Variants in CDK14 observed in about 807,000 individuals in gnomAD.
CDK14 encodes the protein cyclin dependent kinase 14.
In CDK14, 34 loss-of-function variants were observed where a neutral mutation model predicts 60.7. That is an observed-to-expected ratio of 0.56 (90% CI 0.43 to 0.75). CDK14 has a LOEUF of 0.75. Ranked by LOEUF, CDK14 falls within the 30% of genes least tolerant of loss-of-function variation. CDK14 has a pLI of 0.00. For synonymous variants in CDK14, 197 were observed against 203.7 expected, an observed-to-expected ratio of 0.97 and a Z score of 0.28; for missense variants, 482 against 564.1, an observed-to-expected ratio of 0.85 and a Z score of 1.47.
chr7:90,873,043 TA>T (rs748800034), intron 6 of CDK14, among the ~76,000 whole-genome samples: 43 of 152,344 alleles, frequency 2.8e-4, no homozygotes, highest in Non-Finnish European at 5.3e-4. Context: ...TTTCTCATGT[TA>T]ATTTTTTTTA....
chr7:90,684,754 A>G (rs975315779), intron 2 of CDK14, among the ~76,000 whole-genome samples: 1 of 152,146 alleles, frequency 6.6e-6, no homozygotes, highest in African/African-American at 2.4e-5. Context: ...CACCGTGTTT[A>G]TGGTTCTTTA....
chr7:90,635,841 G>C (rs1244470909), intron 2 of CDK14, among the ~76,000 whole-genome samples: 1 of 151,590 alleles, frequency 6.6e-6, no homozygotes, highest in African/African-American at 2.4e-5. Context: ...CCTTGAAGAG[G>C]TCCTTCACGT....
chr7:90,737,377 T>C (rs750289217), intron 3 of CDK14, among the ~76,000 whole-genome samples: 3 of 152,244 alleles, frequency 2.0e-5, no homozygotes, highest in Admixed American at 6.5e-5. Flanking sequence ...CTATATCCCA[T>C]GATAGGCAGG....
At chr7:90,983,270 C>T (rs1053413055) in intron 9 of CDK14, among the ~76,000 whole-genome samples, 1 of 152,134 alleles carries the variant, frequency 6.6e-6, no homozygotes, top group Non-Finnish European at 1.5e-5. Flanking sequence ...TTCACCACAG[C>T]ACTATTCACA....
intron 14 of CDK14, among the ~76,000 whole-genome samples, chr7:91,134,067 G>C (rs1016441292): frequency 6.6e-6 from 1 of 152,116 alleles, no homozygotes; most frequent in African/African-American, 2.4e-5. Context: ...TGGGACTCCG[G>C]ATTCTCCACC....
At chr7:90,806,514 G>T (rs1177771363) in intron 5 of CDK14, among the ~76,000 whole-genome samples, 1 of 152,234 alleles carries the variant, frequency 6.6e-6, no homozygotes, top group African/African-American at 2.4e-5. Context: ...AATAGGAACA[G>T]CTCCAGTCTA....
chr7:90,926,764 G>T (rs533285132), intron 8 of CDK14, among the ~76,000 whole-genome samples: 2 of 152,206 alleles, frequency 1.3e-5, no homozygotes, highest in East Asian at 3.9e-4. Context: ...GACCCCTTAG[G>T]TTAAGGGCTT....
At chr7:90,601,948 A>G (rs181006654) in intron 1 of CDK14, among the ~76,000 whole-genome samples, 100 of 151,694 alleles carry the variant, frequency 6.6e-4, no homozygotes, top group African/African-American at 2.3e-3. Flanking sequence ...GTATGTATGT[A>G]TGTATGTATG....
At chr7:91,126,734 T>G (rs533747544) in intron 14 of CDK14, among the ~76,000 whole-genome samples, 15 of 152,190 alleles carry the variant, frequency 9.9e-5, no homozygotes, top group Non-Finnish European at 1.5e-4. Flanking sequence ...TCCCACCAGT[T>G]TTTCAGTGTT....
rs561703262 is a variant in CDK14 at position 90,858,471 on chromosome 7, A to G, written c.545-4704A>G. Among the ~76,000 whole-genome samples, 70 of 152,352 alleles carry G rather than the reference A, an allele frequency of 4.6e-4. No homozygotes were observed. In the South Asian group the frequency reaches 0.013, roughly 28 times the overall value. ...TAATACCTTTATGGAGTTGTTGCCA[A>G]TAAGGATGGATCATCTCTGAATTTG... On this transcript the variant is annotated intron_variant, in intron 5 of 14. Transcript: ENST00000380050.
chr7:90,755,963 G>A (rs1172404055), intron 4 of CDK14, among the ~76,000 whole-genome samples: 1 of 152,238 alleles, frequency 6.6e-6, no homozygotes, highest in African/African-American at 2.4e-5. Flanking sequence ...TATGAGGTGG[G>A]TCCCATTATT....
At chr7:90,923,331 G>T (rs144109528) in intron 8 of CDK14, among the ~76,000 whole-genome samples, 1 of 151,944 alleles carries the variant, frequency 6.6e-6, no homozygotes, top group Admixed American at 6.6e-5. Context: ...GAATGGTCTC[G>T]ATCTCCTGAC....
At chr7:90,852,362 T>G (rs1382487915) in intron 5 of CDK14, among the ~76,000 whole-genome samples, 3 of 152,206 alleles carry the variant, frequency 2.0e-5, no homozygotes, top group Admixed American at 2.0e-4. Flanking sequence ...TATCACAGAC[T>G]TCTAAATGCT....
chr7:90,885,460 C>T (rs2117299555), intron 6 of CDK14, among the ~76,000 whole-genome samples: 1 of 152,192 alleles, frequency 6.6e-6, no homozygotes, highest in Middle Eastern at 3.4e-3. Flanking sequence ...AATAGGAATG[C>T]TTTTACTTGT....
chr7:90,891,600 C>T (rs1436485159), intron 6 of CDK14, among the ~76,000 whole-genome samples: 2 of 152,126 alleles, frequency 1.3e-5, no homozygotes. Context: ...TTAAATGAAA[C>T]AGAAGTTAAG....
intron 4 of CDK14, among the ~76,000 whole-genome samples, chr7:90,765,641 A>C (rs1488616790): frequency 1.4e-5 from 2 of 147,938 alleles, no homozygotes; most frequent in East Asian, 4.0e-4. Flanking sequence ...ACTGGTGGGG[A>C]TGGATACTAA....
intron 2 of CDK14, among the ~76,000 whole-genome samples, chr7:90,629,406 T>A (rs986559916): frequency 3.3e-5 from 5 of 152,236 alleles, no homozygotes; most frequent in Middle Eastern, 3.2e-3. Flanking sequence ...TTTTAATCAC[T>A]TTGTCCCTAG....
chr7:91,005,890 G>A (rs553826152), intron 10 of CDK14, among the ~76,000 whole-genome samples: 29 of 152,322 alleles, frequency 1.9e-4, no homozygotes, highest in Non-Finnish European at 3.8e-4. Flanking sequence ...GAACCAAACC[G>A]GATTTTTCTT....
At chr7:90,767,164 A>G (rs1804599825) in intron 4 of CDK14, among the ~76,000 whole-genome samples, 1 of 152,214 alleles carries the variant, frequency 6.6e-6, no homozygotes, top group Admixed American at 6.5e-5. Flanking sequence ...ACAATAAATA[A>G]TGGCTTACAG....
Sources: gnomAD v4.1 joint callset for allele counts (sites outside exome capture counted in the v4.1 genomes callset) on GRCh38, gnomAD v4.1.1 for gene constraint, MANE v1.5 for transcripts, NCBI Gene and HGNC (gene_info 2026-07-23, HGNC 2026-07-21) for gene names.